The following WWOX variants were observed in gnomAD, a reference collection of about 807,000 sequenced individuals.
WWOX encodes the protein WW domain containing oxidoreductase.
WWOX carries 69 observed loss-of-function variants against 46.2 expected under a neutral mutation model. That is an observed-to-expected ratio of 1.49 (90% CI 1.23 to 1.82). WWOX has a LOEUF of 1.82. WWOX is among the 40% of genes most tolerant of loss of function. The pLI is 0.00. For synonymous variants in WWOX, 359 were observed against 202.6 expected, an observed-to-expected ratio of 1.77 and a Z score of -6.56; for missense variants, 919 against 542.6, an observed-to-expected ratio of 1.69 and a Z score of -6.89.
At chr16:78,562,058 A>G (rs959716637) in intron 8 of WWOX, among the ~76,000 whole-genome samples, 1 of 152,190 alleles carries the variant, frequency 6.6e-6, no homozygotes, top group Non-Finnish European at 1.5e-5. Flanking sequence ...CCGTGGAGGC[A>G]TATGCTGGGC....
At chr16:79,020,553 C>G (rs2047513279) in intron 8 of WWOX, among the ~76,000 whole-genome samples, 1 of 152,174 alleles carries the variant, frequency 6.6e-6, no homozygotes, top group African/African-American at 2.4e-5. Flanking sequence ...ACAACACAAT[C>G]TATAAATGTT....
chr16:78,323,981 C>A (rs1597483730), intron 5 of WWOX, among the ~76,000 whole-genome samples: 2 of 152,262 alleles, frequency 1.3e-5, no homozygotes, highest in Non-Finnish European at 2.9e-5. Flanking sequence ...TTTTTGGATG[C>A]ATTTTCCTCC....
chr16:79,047,647 G>A (rs945561507), intron 8 of WWOX, among the ~76,000 whole-genome samples: 1 of 147,534 alleles, frequency 6.8e-6, no homozygotes, highest in Non-Finnish European at 1.5e-5. Context: ...TCAGAACTGG[G>A]TGACTTTCTC....
intron 8 of WWOX, among the ~76,000 whole-genome samples, chr16:78,999,835 T>C (rs976446866): frequency 6.6e-6 from 1 of 152,146 alleles, no homozygotes; most frequent in South Asian, 2.1e-4. Flanking sequence ...TGTAAGAAAT[T>C]GGCACTTGTA....
intron 8 of WWOX, chr16:79,101,153 A>G (rs2049184747): frequency 6.6e-6 from 1 of 152,216 alleles, no homozygotes; most frequent in African/African-American, 2.4e-5. Context: ...AATGGAGAAA[A>G]GTCTCCAGAA....
At chr16:78,894,854 G>A (rs2044667196) in intron 8 of WWOX, among the ~76,000 whole-genome samples, 1 of 152,178 alleles carries the variant, frequency 6.6e-6, no homozygotes, top group Non-Finnish European at 1.5e-5. Context: ...GAGAAAAACA[G>A]TGACTAACTG....
At position 78,214,178 on chromosome 16, in the gene WWOX, C is replaced by T. The variant is rs548153724; in HGVS notation, c.516+49889C>T. On this transcript the variant is annotated intron_variant, in intron 5 of 8. Transcript: ENST00000566780. ...CCCTGGACCCTCACGTCTCAGGATCCCTATCTCCCTGTCAGTGCTTTGTCA... is the reference window on the plus strand; with the variant it reads ...CCCTGGACCCTCACGTCTCAGGATCTCTATCTCCCTGTCAGTGCTTTGTCA... 5.7e-4 allele frequency among the ~76,000 whole-genome samples: 87 copies of T among 152,284 alleles called. 2 individuals are homozygous for T. The South Asian group carries it at 0.017, about 31-fold the overall frequency.
chr16:78,327,869 ATTTTTT>A (rs762650030), intron 5 of WWOX, among the ~76,000 whole-genome samples: 8 of 81,096 alleles, frequency 9.9e-5, no homozygotes, highest in South Asian at 5.8e-4. Context: ...ATGAGTCCTG[ATTTTTT>A]TTTTTTTTTT....
intron 8 of WWOX, among the ~76,000 whole-genome samples, chr16:79,083,899 A>G (rs906091866): frequency 1.3e-5 from 2 of 152,166 alleles, no homozygotes; most frequent in Non-Finnish European, 2.9e-5. Flanking sequence ...ACATTTCTTC[A>G]TCTTCCTGCG....
At chr16:78,914,961 G>T (rs534762471) in intron 8 of WWOX, among the ~76,000 whole-genome samples, 2 of 150,988 alleles carry the variant, frequency 1.3e-5, no homozygotes, top group Non-Finnish European at 2.9e-5. Context: ...GAGAGACAGA[G>T]AATCAGTTAA....
intron 8 of WWOX, among the ~76,000 whole-genome samples, chr16:79,031,092 C>A (rs76014585): frequency 3.2e-3 from 404 of 127,110 alleles, no homozygotes; most frequent in Middle Eastern, 4.4e-3. Flanking sequence ...GACCCTGTCT[C>A]AAAAAAAAAA....
chr16:78,772,956 C>CT (rs1230079018), intron 8 of WWOX, among the ~76,000 whole-genome samples: 4 of 152,156 alleles, frequency 2.6e-5, no homozygotes, highest in African/African-American at 9.7e-5. Context: ...GCCCAGGAGG[C>CT]TGAGGCTGCA....
chr16:78,335,416 C>T (rs757354380), intron 5 of WWOX, among the ~76,000 whole-genome samples: 83 of 152,180 alleles, frequency 5.5e-4, no homozygotes, highest in Non-Finnish European at 1.0e-3. Flanking sequence ...CCTAGGATAA[C>T]GGCTTCCAGC....
chr16:78,170,349 A>G (rs1439656271), intron 5 of WWOX, among the ~76,000 whole-genome samples: 1 of 152,242 alleles, frequency 6.6e-6, no homozygotes, highest in African/African-American at 2.4e-5. Flanking sequence ...AGGTGGTTCT[A>G]TTAAACACAT....
intron 8 of WWOX, among the ~76,000 whole-genome samples, chr16:78,696,461 T>G (rs186311379): frequency 3.5e-4 from 53 of 152,194 alleles, no homozygotes; most frequent in Non-Finnish European, 5.9e-5. Flanking sequence ...GAACTTTACA[T>G]TTTGAGTTTC....
intron 8 of WWOX, among the ~76,000 whole-genome samples, chr16:79,163,255 G>T (rs536869490): frequency 6.2e-4 from 94 of 152,242 alleles, no homozygotes; most frequent in African/African-American, 2.3e-3. Context: ...ACCAGAGAAA[G>T]AGAAAAGAAA....
intron 8 of WWOX, among the ~76,000 whole-genome samples, chr16:79,175,800 A>T (rs916818907): frequency 6.6e-6 from 1 of 152,096 alleles, no homozygotes; most frequent in African/African-American, 2.4e-5. Flanking sequence ...GTTTGGTCCC[A>T]ATGTGCCCTT....
intron 4 of WWOX, among the ~76,000 whole-genome samples, chr16:78,127,528 A>AC (rs2033412376): frequency 6.7e-6 from 1 of 148,950 alleles, no homozygotes; most frequent in African/African-American, 2.5e-5. Flanking sequence ...AAAAAAAAAA[A>AC]ACCACCGAGA....
intron 8 of WWOX, among the ~76,000 whole-genome samples, chr16:79,181,920 T>C (rs1411072560): frequency 6.6e-6 from 1 of 152,236 alleles, no homozygotes; most frequent in Non-Finnish European, 1.5e-5. Flanking sequence ...GTTATTAATA[T>C]AATTTTACAA....
Sources: gnomAD v4.1 joint callset for allele counts (sites outside exome capture counted in the v4.1 genomes callset) on GRCh38, gnomAD v4.1.1 for gene constraint, MANE v1.5 for transcripts, NCBI Gene and HGNC (gene_info 2026-07-23, HGNC 2026-07-21) for gene names.